MTBP: variants seen among roughly 807,000 people sequenced by gnomAD.
MTBP encodes the protein MDM2 binding protein.
Under a neutral mutation model 117.0 loss-of-function variants are expected in MTBP, and 101 were observed. The ratio of observed to expected loss-of-function variants is 0.86; its 90% CI spans 0.73 to 1.02. MTBP has a LOEUF of 1.02. Ranked by LOEUF, MTBP falls within the 50% of genes least tolerant of loss-of-function variation. MTBP has a pLI of 0.00. For synonymous variants in MTBP, 350 were observed against 351.5 expected (o/e 1.00, Z 0.05); for missense variants, 970 against 1,030.9 (o/e 0.94, Z 0.81).
At position 120,518,718 on chromosome 8, in the gene MTBP, A is replaced by G. The variant is rs775021669; in HGVS notation, c.2511A>G (p.Val837=). The change falls in exon 20 of 22, where the codon GTA becomes GTG. Residue 837 remains valine (V), a synonymous_variant. Transcript: ENST00000305949. The part of the protein sequence containing the change: ...SQKHTRILKE[V]VTETLKKHSI... ...TTCTGTTCAAGATACTGAAAGAAGT[A>G]GTTACTGAAACCCTGAAGAAACACA... The G allele has an allele frequency of 6.2e-6, 10 of 1,606,298 alleles. No homozygotes were observed. Among genetic ancestry groups the G allele is most frequent in the Admixed American group, 1.7e-5 (1 of 59,342 alleles).
intron 11 of MTBP, among the ~76,000 whole-genome samples, chr8:120,476,628 A>C (rs767873975): frequency 1.3e-5 from 2 of 152,008 alleles, no homozygotes; most frequent in Non-Finnish European, 2.9e-5. Context: ...AAAGAGCCAA[A>C]TCATGAATGA....
At chr8:120,491,431 TG>T (rs1308494491) in intron 13 of MTBP, among the ~76,000 whole-genome samples, 1 of 152,124 alleles carries the variant, frequency 6.6e-6, no homozygotes, top group African/African-American at 2.4e-5. Context: ...CCAGGGTAAT[TG>T]TTTAGTCTTG....
At chr8:120,455,682 T>C in intron 6 of MTBP, 103 bp downstream of exon 6, 1 of 1,143,458 alleles carries the variant, frequency 8.7e-7, no homozygotes, top group Non-Finnish European at 1.3e-6. Flanking sequence ...TATTTTAATA[T>C]GACAACATAA....
intron 9 of MTBP, 154 bp from the exon 10 acceptor site, chr8:120,463,538 C>G (rs1403462062): frequency 1.9e-6 from 1 of 532,372 alleles, no homozygotes; most frequent in Non-Finnish European, 3.3e-6. Flanking sequence ...AAATACTTAT[C>G]CTTAGGGAAA....
intron 8 of MTBP, 62 bp downstream of exon 8, chr8:120,459,411 T>C (rs1813539273): frequency 6.7e-7 from 1 of 1,494,612 alleles, no homozygotes; most frequent in African/African-American, 1.4e-5. Flanking sequence ...ATAAAATATG[T>C]TTGAATCTTG....
chr8:120,496,722 A>G (rs1001890145), intron 13 of MTBP, among the ~76,000 whole-genome samples: 2 of 150,186 alleles, frequency 1.3e-5, no homozygotes, highest in African/African-American at 2.5e-5. Flanking sequence ...AAAAAAAAAG[A>G]AAAAAAAATG....
chr8:120,467,427 C>A (rs906419780), intron 10 of MTBP, among the ~76,000 whole-genome samples: 2 of 152,134 alleles, frequency 1.3e-5, no homozygotes, highest in African/African-American at 4.8e-5. Context: ...CCAGCCTGAG[C>A]AACATGGTGA....
intron 19 of MTBP, among the ~76,000 whole-genome samples, chr8:120,518,379 A>G (rs1192032585): frequency 6.6e-6 from 1 of 151,956 alleles, no homozygotes; most frequent in East Asian, 1.9e-4. Context: ...TCTATGCTTG[A>G]AATTTCCCAT....
chr8:120,456,094 G>C (rs1295974368), intron 6 of MTBP, among the ~76,000 whole-genome samples: 9 of 152,128 alleles, frequency 5.9e-5, no homozygotes. Context: ...TGTAAGTTAA[G>C]AAAGTGAGAA....
At chr8:120,456,751 AAT>A (rs1813478603) in intron 7 of MTBP, 81 bp downstream of exon 7, 5 of 772,180 alleles carry the variant, frequency 6.5e-6, no homozygotes, top group Admixed American at 2.3e-5. Flanking sequence ...TCTTAATGAA[AAT>A]GTACCTTATA....
chr8:120,449,582 G>C (rs1344417388), intron 2 of MTBP, among the ~76,000 whole-genome samples: 1 of 152,092 alleles, frequency 6.6e-6, no homozygotes, highest in Non-Finnish European at 1.5e-5. Context: ...CCAATGTACA[G>C]ATGTCAGGTG....
chr8:120,451,229 A>C lies in MTBP; in HGVS notation c.332A>C (p.Asp111Ala). The C allele has an allele frequency of 6.2e-7, 1 of 1,611,666 alleles. No homozygotes were observed. ...HFDTEKDKIEDVLQTNIEECL... is the reference protein window; with the variant it reads ...HFDTEKDKIEAVLQTNIEECL... Reference sequence around the variant, plus strand: ...GATACAGAAAAAGATAAAATTGAAGATGTTCTTCAAACGAATATCGAAGAA... The same window carrying C: ...GATACAGAAAAAGATAAAATTGAAGCTGTTCTTCAAACGAATATCGAAGAA... Residue 111 changes from aspartate (D) to alanine (A), a missense_variant, in exon 4 of 22, where the codon GAT becomes GCT. Transcript: ENST00000305949.
chr8:120,465,655 C>CTTTTTTTTTTT (rs10663319), intron 10 of MTBP, among the ~76,000 whole-genome samples: 1 of 101,662 alleles, frequency 9.8e-6, no homozygotes. Context: ...CTTATAGAGA[C>CTTTTTTTTTTT]TTTTTTTTTT....
At chr8:120,506,642 T>G in intron 15 of MTBP, 64 bp from the exon 16 acceptor site, 3 of 1,225,242 alleles carry the variant, frequency 2.4e-6, no homozygotes, top group East Asian at 2.8e-5. Context: ...TTTTTTTTTT[T>G]GACTCTGGCT....
chr8:120,495,677 T>G (rs748540812), intron 13 of MTBP, among the ~76,000 whole-genome samples: 4 of 152,158 alleles, frequency 2.6e-5, no homozygotes, highest in Non-Finnish European at 4.4e-5. Context: ...ATATCTTCCA[T>G]TTTATTTTAC....
At chr8:120,470,568 G>A (rs1813795902) in intron 10 of MTBP, among the ~76,000 whole-genome samples, 1 of 152,206 alleles carries the variant, frequency 6.6e-6, no homozygotes, top group Non-Finnish European at 1.5e-5. Flanking sequence ...TACCTCAGTG[G>A]AAAAGGGAAG....
At chr8:120,500,589 G>A (rs1375501046) in intron 14 of MTBP, among the ~76,000 whole-genome samples, 2 of 152,260 alleles carry the variant, frequency 1.3e-5, no homozygotes, top group East Asian at 3.9e-4. Context: ...TTTTAAAATA[G>A]CATTTCACCA....
At chr8:120,520,706 G>A (rs1814996529) in intron 20 of MTBP, among the ~76,000 whole-genome samples, 1 of 151,948 alleles carries the variant, frequency 6.6e-6, no homozygotes. Context: ...AATGGCATTG[G>A]ACTTCTCCAC....
rs142637692 is a variant in MTBP at position 120,518,719 on chromosome 8, G to T, written c.2512G>T (p.Val838Phe). The T allele has an allele frequency of 1.7e-5, 28 of 1,607,692 alleles. No individual in the cohort carries two copies. The highest frequency in any genetic ancestry group is 2.2e-5 in the Non-Finnish European group (26 of 1,175,970). The change falls in exon 20 of 22, where the codon GTT becomes TTT. Residue 838 changes from valine (V) to phenylalanine (F), a missense_variant. By Grantham distance (50) the Val-to-Phe change is conservative. Coordinates refer to ENST00000305949, the MANE Select transcript of MTBP (RefSeq NM_022045.5). ...TCTGTTCAAGATACTGAAAGAAGTAGTTACTGAAACCCTGAAGAAACACAG... is the reference window on the plus strand; with the variant it reads ...TCTGTTCAAGATACTGAAAGAAGTATTTACTGAAACCCTGAAGAAACACAG... The part of the protein sequence containing the change: ...QKHTRILKEV[V>F]TETLKKHSIT...
Sources: allele counts gnomAD v4.1 joint callset (sites outside exome capture counted in the v4.1 genomes callset), GRCh38; gene constraint gnomAD v4.1.1; transcripts MANE v1.5; gene names NCBI Gene and HGNC (gene_info 2026-07-23, HGNC 2026-07-21).